L3MBTL4: variants seen among roughly 807,000 people sequenced by gnomAD.
The protein encoded by L3MBTL4 is L3MBTL histone methyl-lysine binding protein 4.
Under a neutral mutation model 84.5 loss-of-function variants are expected in L3MBTL4, and 70 were observed. The observed-to-expected ratio is 0.83, with a 90% CI of 0.68 to 1.01. L3MBTL4 has a LOEUF of 1.01. Ranked by LOEUF, L3MBTL4 falls within the 50% of genes least tolerant of loss-of-function variation. The pLI is 0.00. For synonymous variants in L3MBTL4, 274 were observed against 259.8 expected (o/e 1.05, Z -0.52); for missense variants, 715 against 754.8 (o/e 0.95, Z 0.62).
At chr18:6,064,720 ATTTG>A (rs1263812429) in intron 16 of L3MBTL4, among the ~76,000 whole-genome samples, 3 of 151,634 alleles carry the variant, frequency 2.0e-5, no homozygotes, top group South Asian at 2.1e-4. Flanking sequence ...ACCTTACTGA[ATTTG>A]TTTATGAGAT....
chr18:6,050,601 C>T (rs979275676), intron 16 of L3MBTL4, among the ~76,000 whole-genome samples: 4 of 152,220 alleles, frequency 2.6e-5, no homozygotes, highest in South Asian at 2.1e-4. Context: ...TTCCAAAATG[C>T]AAATATAATC....
intron 15 of L3MBTL4, among the ~76,000 whole-genome samples, chr18:6,086,933 T>C (rs2058278926): frequency 6.6e-6 from 1 of 152,088 alleles, no homozygotes; most frequent in Admixed American, 6.6e-5. Flanking sequence ...AGTGAATGAA[T>C]ATCGATGTCA....
chr18:6,264,543 G>C (rs917564593), intron 4 of L3MBTL4, among the ~76,000 whole-genome samples: 1 of 152,294 alleles, frequency 6.6e-6, no homozygotes, highest in African/African-American at 2.4e-5. Context: ...CAGCACTTCG[G>C]GAGGCCAAGG....
chr18:5,957,692 A>G (rs1242174128), intron 18 of L3MBTL4, among the ~76,000 whole-genome samples: 1 of 151,952 alleles, frequency 6.6e-6, no homozygotes, highest in African/African-American at 2.4e-5. Flanking sequence ...ATGGTGGCTC[A>G]TGTCTGTAAT....
intron 16 of L3MBTL4, among the ~76,000 whole-genome samples, chr18:5,981,991 T>TGTGTGTGTGTGG (rs2053246213): frequency 8.0e-6 from 1 of 124,650 alleles, no homozygotes; most frequent in Non-Finnish European, 1.5e-5. Flanking sequence ...TGTGTGTGTG[T>TGTGTGTGTGTGG]GTGTGTGTGT....
At chr18:6,091,291 A>G (rs1477700428) in intron 15 of L3MBTL4, among the ~76,000 whole-genome samples, 1 of 152,170 alleles carries the variant, frequency 6.6e-6, no homozygotes, top group Non-Finnish European at 1.5e-5. Context: ...ATGAGGGTAG[A>G]CTCGAAAAGG....
chr18:6,212,682 G>A (rs949818700), intron 12 of L3MBTL4, among the ~76,000 whole-genome samples: 3 of 152,080 alleles, frequency 2.0e-5, no homozygotes, highest in African/African-American at 7.2e-5. Flanking sequence ...GATTTCAAGC[G>A]AAATAGAATA....
At chr18:6,164,062 C>T (rs1218305406) in intron 13 of L3MBTL4, among the ~76,000 whole-genome samples, 3 of 152,198 alleles carry the variant, frequency 2.0e-5, no homozygotes, top group Non-Finnish European at 2.9e-5. Flanking sequence ...AGGTCCTATG[C>T]CCACGGAGCC....
chr18:6,029,516 A>G (rs971872375), intron 16 of L3MBTL4: 3 of 983,884 alleles, frequency 3.0e-6, no homozygotes, highest in Non-Finnish European at 3.6e-6. Flanking sequence ...CATACAGACA[A>G]TCTTAGGTGG....
chr18:6,371,249 C>A (rs1359557327), intron 1 of L3MBTL4, among the ~76,000 whole-genome samples: 2 of 152,182 alleles, frequency 1.3e-5, no homozygotes, highest in African/African-American at 4.8e-5. Flanking sequence ...TGGCTTGCCA[C>A]CCCCTGGCTT....
chr18:6,038,922 G>A (rs983789444), intron 16 of L3MBTL4, among the ~76,000 whole-genome samples: 1 of 151,828 alleles, frequency 6.6e-6, no homozygotes, highest in African/African-American at 2.4e-5. Flanking sequence ...GGTTATATGG[G>A]GTCATAAGGG....
chr18:6,316,841 C>G (rs2147000789), intron 1 of L3MBTL4, among the ~76,000 whole-genome samples: 1 of 152,236 alleles, frequency 6.6e-6, no homozygotes, highest in South Asian at 2.1e-4. Context: ...TCACTGAAAG[C>G]TCCCCCAGCC....
At chr18:6,393,619 T>TG (rs1309151294) in intron 1 of L3MBTL4, among the ~76,000 whole-genome samples, 2 of 152,256 alleles carry the variant, frequency 1.3e-5, no homozygotes, top group African/African-American at 4.8e-5. Flanking sequence ...CTTGGAGCCA[T>TG]GGGGGGCTCC....
intron 12 of L3MBTL4, among the ~76,000 whole-genome samples, chr18:6,210,858 G>T (rs2145770531): frequency 6.6e-6 from 1 of 152,232 alleles, no homozygotes. Context: ...GCTTCCTTGA[G>T]GTCCCTTCAT....
intron 16 of L3MBTL4, among the ~76,000 whole-genome samples, chr18:6,054,544 G>A (rs375765144): frequency 6.6e-6 from 1 of 151,778 alleles, no homozygotes; most frequent in Admixed American, 6.6e-5. Context: ...CCTCGCCCCC[G>A]CCCCTTCCCT....
intron 1 of L3MBTL4, chr18:6,356,608 GGTAA>G (rs1219821671): frequency 6.6e-6 from 1 of 152,090 alleles, no homozygotes; most frequent in Non-Finnish European, 1.5e-5. Context: ...GTAATGCAAT[GGTAA>G]GTATTTCTCT....
intron 16 of L3MBTL4, among the ~76,000 whole-genome samples, chr18:6,032,448 G>C (rs931121860): frequency 2.6e-5 from 4 of 151,374 alleles, no homozygotes; most frequent in African/African-American, 9.7e-5. Context: ...GTCGAGGGGG[G>C]CAGAACTGAC....
intron 13 of L3MBTL4, among the ~76,000 whole-genome samples, chr18:6,142,927 C>G (rs1164755113): frequency 6.6e-6 from 1 of 152,050 alleles, no homozygotes; most frequent in East Asian, 1.9e-4. Context: ...AAGAAATATG[C>G]TTGTGTCATT....
At chr18:5,964,589 C>T (rs1209036702) in intron 17 of L3MBTL4, among the ~76,000 whole-genome samples, 1 of 152,110 alleles carries the variant, frequency 6.6e-6, no homozygotes, top group Non-Finnish European at 1.5e-5. Flanking sequence ...ATCACCCCTT[C>T]CTGTGTAAAG....
Sources: allele counts gnomAD v4.1 joint callset (sites outside exome capture counted in the v4.1 genomes callset), GRCh38; gene constraint gnomAD v4.1.1; transcripts MANE v1.5; gene names NCBI Gene and HGNC (gene_info 2026-07-23, HGNC 2026-07-21).